The following LCORL variants were observed in gnomAD, a reference collection of about 807,000 sequenced individuals.
LCORL encodes the protein ligand dependent nuclear receptor corepressor like, also known as ligand-dependent nuclear receptor corepressor-like protein.
A neutral mutation model predicts 141.8 loss-of-function variants in LCORL; 41 were observed. The ratio of observed to expected loss-of-function variants is 0.29; its 90% CI spans 0.23 to 0.38. The LOEUF is 0.38. Ranked by LOEUF, LCORL falls within the 10% of genes least tolerant of loss-of-function variation. LCORL has a pLI of 1.00. For synonymous variants in LCORL, 618 were observed against 694.1 expected, an observed-to-expected ratio of 0.89 and a Z score of 1.72; for missense variants, 1,759 against 2,035.0, an observed-to-expected ratio of 0.86 and a Z score of 2.61.
exon 5 of LCORL, chr4:17,909,128 A>G: frequency 6.2e-7 from 1 of 1,606,508 alleles, no homozygotes. Context: ...TTCGATTCAC[A>G]GTGAGGTCTA....
intron 1 of LCORL, among the ~76,000 whole-genome samples, chr4:18,016,602 T>G (rs116795562): frequency 0.02 from 3,117 of 152,230 alleles, 48 homozygotes; most frequent in Middle Eastern, 0.13. Flanking sequence ...GGATGTGCTA[T>G]CAATGTAAAA....
intron 5 of LCORL, among the ~76,000 whole-genome samples, chr4:17,908,492 T>C (rs1485951938): frequency 6.6e-6 from 1 of 152,204 alleles, no homozygotes; most frequent in Non-Finnish European, 1.5e-5. Context: ...GATAAACACT[T>C]AAGTCCTTCG....
chr4:17,986,741 T>C (rs536712964), intron 1 of LCORL, among the ~76,000 whole-genome samples: 3 of 152,294 alleles, frequency 2.0e-5, no homozygotes, highest in South Asian at 2.1e-4. Context: ...CTTTTTTTTT[T>C]CCTATCTATA....
At chr4:17,921,258 C>T (rs2109373466) in intron 4 of LCORL, among the ~76,000 whole-genome samples, 1 of 152,106 alleles carries the variant, frequency 6.6e-6, no homozygotes, top group East Asian at 1.9e-4. Context: ...AAACTCCTGA[C>T]ATTGTGATCT....
At chr4:17,869,153 T>C (rs188731543) in intron 7 of LCORL, among the ~76,000 whole-genome samples, 2 of 151,908 alleles carry the variant, frequency 1.3e-5, no homozygotes, top group Admixed American at 1.3e-4. Context: ...CTTCACTCCA[T>C]TTCCATTGGT....
intron 4 of LCORL, among the ~76,000 whole-genome samples, chr4:17,940,126 A>G (rs1316119246): frequency 6.8e-6 from 1 of 146,920 alleles, no homozygotes; most frequent in African/African-American, 2.5e-5. Context: ...GTATATATAT[A>G]TGTATATGTG....
At chr4:17,980,087 G>A (rs1459511817) in intron 1 of LCORL, among the ~76,000 whole-genome samples, 2 of 152,142 alleles carry the variant, frequency 1.3e-5, no homozygotes, top group African/African-American at 2.4e-5. Context: ...TTTGATATTA[G>A]CCCAGTGAGA....
intron 4 of LCORL, among the ~76,000 whole-genome samples, chr4:17,934,646 T>C (rs753461130): frequency 1.3e-5 from 2 of 152,164 alleles, no homozygotes; most frequent in African/African-American, 4.8e-5. Flanking sequence ...AGTTTTATCA[T>C]TCAGTAAGTA....
Position 18,021,686 on chromosome 4 carries a change from A to G in LCORL, c.66T>C (p.Ala22=). ...CCGCGCACCGAGGGCTCCGGCACTG[A>G]GCGGCGGCGGCGGCGGCGGCAGCAG... Residue 22 remains alanine (A), a synonymous_variant, in exon 1 of 8, where the codon GCT becomes GCC. Coordinates refer to ENST00000635767, the Ensembl canonical transcript of LCORL. The surrounding 1 kb of genome is among the most constrained non-coding windows in gnomAD (Gnocchi z 5.5). 11 of 1,533,522 alleles carry G rather than the reference A, an allele frequency of 7.2e-6. No homozygotes were observed. Among genetic ancestry groups the G allele is most frequent in the Non-Finnish European group, 8.8e-6 (10 of 1,140,052 alleles). 95.0% of individuals were successfully genotyped at this position (1,533,522 alleles called of 1,614,324 possible).
At chr4:17,877,972 CACA>C in exon 7 of LCORL, 5 of 1,230,596 alleles carry the variant, frequency 4.1e-6, no homozygotes, top group Non-Finnish European at 5.1e-6. Flanking sequence ...AGCCTATATT[CACA>C]ACTACAGAAC....
chr4:17,946,102 C>T (rs1577504040), intron 4 of LCORL, among the ~76,000 whole-genome samples: 1 of 151,932 alleles, frequency 6.6e-6, no homozygotes, highest in African/African-American at 2.4e-5. Context: ...CATATGTAAA[C>T]ATCAGTTCTC....
chr4:18,021,689 GGCGGCGGCGGCGGCGGCA>G lies in LCORL; in HGVS notation c.45_62del (p.Ala17_Ala22del). 6.7e-7 allele frequency: 1 copy of G among 1,483,834 alleles called. No individual in the cohort carries two copies. 91.9% of individuals were successfully genotyped at this position (1,483,834 alleles called of 1,614,324 possible). A position where few individuals can be genotyped will look rare whatever the true frequency, so the allele number is the denominator to read the frequency against. On this transcript the variant is annotated inframe_deletion, in exon 1 of 8. Coordinates refer to ENST00000635767, the Ensembl canonical transcript of LCORL. The surrounding 1 kb of genome is among the most constrained non-coding windows in gnomAD (Gnocchi z 5.5). ...CGCACCGAGGGCTCCGGCACTGAGC[GGCGGCGGCGGCGGCGGCA>G]GCAGCGGCGGCGGCAGCGGCCATTC...
In LCORL at chr4:18,021,154, C is replaced by A. The variant is rs953655481; in HGVS notation, c.154+444G>T. The stretch of plus-strand genomic sequence containing the variant: ...CGGCGGCGACAAGGGGGTGTGTGTG[C>A]GCTCGGCGGGGGCGCGGACCAGCCC... On this transcript the variant is annotated intron_variant, in intron 1 of 7. Coordinates refer to ENST00000635767, the Ensembl canonical transcript of LCORL. This position sits in a 1 kb window ranked among gnomAD's most constrained non-coding sequence, Gnocchi z 5.5. 1.3e-5 allele frequency among the ~76,000 whole-genome samples: 2 copies of A among 151,978 alleles called. No homozygotes were observed. Among genetic ancestry groups the A allele is most frequent in the Non-Finnish European group, 2.9e-5 (2 of 67,952 alleles).
intron 4 of LCORL, among the ~76,000 whole-genome samples, chr4:17,918,426 A>G (rs1275041988): frequency 6.6e-6 from 1 of 152,242 alleles, no homozygotes; most frequent in East Asian, 1.9e-4. Flanking sequence ...CAGACATTTA[A>G]AATAGGTTCA....
intron 7 of LCORL, among the ~76,000 whole-genome samples, chr4:17,850,623 A>G (rs1723544735): frequency 6.6e-6 from 1 of 152,024 alleles, no homozygotes; most frequent in Non-Finnish European, 1.5e-5. Context: ...AAAAGTCAGG[A>G]AACAACAGGT....
chr4:17,891,351 A>T (rs1339829782), intron 5 of LCORL, among the ~76,000 whole-genome samples: 1 of 152,152 alleles, frequency 6.6e-6, no homozygotes, highest in Non-Finnish European at 1.5e-5. Context: ...CTCTTAAAAA[A>T]CACAAAAACA....
chr4:17,888,272 A>C (rs530413257), intron 5 of LCORL, among the ~76,000 whole-genome samples: 14 of 152,222 alleles, frequency 9.2e-5, no homozygotes, highest in African/African-American at 3.4e-4. Flanking sequence ...TAAAAGGGGG[A>C]GACTGAAGAA....
chr4:17,933,870 G>C (rs1736436050), intron 4 of LCORL, among the ~76,000 whole-genome samples: 1 of 152,014 alleles, frequency 6.6e-6, no homozygotes, highest in Admixed American at 6.6e-5. Flanking sequence ...GGAATGAAGA[G>C]TTGATATGTT....
intron 1 of LCORL, among the ~76,000 whole-genome samples, chr4:17,992,706 T>C (rs1560454633): frequency 6.6e-6 from 1 of 152,226 alleles, no homozygotes; most frequent in Admixed American, 6.5e-5. Flanking sequence ...CTCTATCTTT[T>C]CCTAAGGTCA....
Sources: allele counts gnomAD v4.1 joint callset (sites outside exome capture counted in the v4.1 genomes callset), GRCh38; gene constraint gnomAD v4.1.1; non-coding constraint Gnocchi (gnomAD v3.1); transcripts MANE v1.5; gene names NCBI Gene and HGNC (gene_info 2026-07-23, HGNC 2026-07-21).